PDE4B: variants seen among roughly 807,000 people sequenced by gnomAD.
PDE4B encodes phosphodiesterase 4B, also known as 3',5'-cyclic-AMP phosphodiesterase 4B.
PDE4B carries 20 observed loss-of-function variants against 82.2 expected under a neutral mutation model. That is an observed-to-expected ratio of 0.24 (90% CI 0.17 to 0.35). The LOEUF (loss-of-function observed/expected upper bound fraction) is 0.35. Among genes scored for constraint, PDE4B ranks in the 10% least tolerant of loss-of-function variants. The pLI, the probability that PDE4B is intolerant of heterozygous loss-of-function variation, is 1.00. For synonymous variants in PDE4B, 320 were observed against 318.9 expected, an observed-to-expected ratio of 1.00 and a Z score of -0.04; for missense variants, 655 against 907.2, an observed-to-expected ratio of 0.72 and a Z score of 3.57.
At chr1:66,122,816 T>C (rs1329577630) in intron 3 of PDE4B, among the ~76,000 whole-genome samples, 2 of 151,048 alleles carry the variant, frequency 1.3e-5, no homozygotes, top group Non-Finnish European at 3.0e-5. Flanking sequence ...AGTGATTCTC[T>C]TGCCTCAGCC....
At chr1:66,341,364 T>C (rs567130389) in intron 8 of PDE4B, among the ~76,000 whole-genome samples, 1 of 152,332 alleles carries the variant, frequency 6.6e-6, no homozygotes, top group East Asian at 1.9e-4. Context: ...TGGGACATTC[T>C]CTCTTTTGTT....
At chr1:65,866,425 C>T (rs1215091542) in intron 1 of PDE4B, among the ~76,000 whole-genome samples, 3 of 151,990 alleles carry the variant, frequency 2.0e-5, no homozygotes, top group Non-Finnish European at 4.4e-5. Flanking sequence ...AGCAATTTCC[C>T]CAGAAACTTT....
intron 8 of PDE4B, among the ~76,000 whole-genome samples, chr1:66,334,240 C>T (rs535805815): frequency 1.2e-4 from 18 of 152,292 alleles, no homozygotes; most frequent in African/African-American, 4.3e-4. Flanking sequence ...TAACTAGAGT[C>T]ACCAAGATAA....
rs1158459707 is a variant in PDE4B at position 66,322,712 on chromosome 1, AAACCAGT to A, written c.635-9794_635-9788del. On this transcript the variant is annotated intron_variant, in intron 7 of 16. Coordinates refer to ENST00000341517, the MANE Select transcript of PDE4B (RefSeq NM_002600.4). ...AGGAACGCAAAAAATTCCTGTGTTGAAACCAGTAGGTTTCAACACAGGAATTTTGGGG... is the reference window on the plus strand; with the variant it reads ...AGGAACGCAAAAAATTCCTGTGTTGAAGGTTTCAACACAGGAATTTTGGGG... Among the ~76,000 whole-genome samples the A allele has an allele frequency of 4.0e-5, 6 of 151,676 alleles. No individual in the cohort carries two copies. In the East Asian group the frequency reaches 1.2e-3, roughly 29 times the overall value.
chr1:66,067,410 G>A (rs1464315128), intron 3 of PDE4B, among the ~76,000 whole-genome samples: 1 of 152,052 alleles, frequency 6.6e-6, no homozygotes, highest in Non-Finnish European at 1.5e-5. Context: ...ATCTCATTGT[G>A]GTTTTGATTT....
intron 3 of PDE4B, among the ~76,000 whole-genome samples, chr1:66,231,437 T>C (rs1038982737): frequency 1.3e-5 from 2 of 152,168 alleles, no homozygotes; most frequent in African/African-American, 4.8e-5. Context: ...AGGAAATCCA[T>C]GTTGAGAGAA....
chr1:65,976,655 C>T (rs10889591), intron 3 of PDE4B, among the ~76,000 whole-genome samples: 97,845 of 151,904 alleles, frequency 0.64, 31,639 homozygotes, highest in African/African-American at 0.68. Context: ...GCAGATTTCC[C>T]CTTGGTGTTC....
intron 3 of PDE4B, among the ~76,000 whole-genome samples, chr1:66,229,437 A>C (rs1011540550): frequency 6.6e-6 from 1 of 152,098 alleles, no homozygotes; most frequent in Non-Finnish European, 1.5e-5. Flanking sequence ...TGCCATCCAC[A>C]ATTTTGTTCG....
chr1:65,937,324 G>C (rs903188974), intron 3 of PDE4B, among the ~76,000 whole-genome samples: 3 of 152,174 alleles, frequency 2.0e-5, no homozygotes, highest in Non-Finnish European at 2.9e-5. Context: ...ATTGTGGAGG[G>C]GAAAGTGGTT....
chr1:66,132,291 T>TACA (rs1645965559), intron 3 of PDE4B, among the ~76,000 whole-genome samples: 2 of 152,240 alleles, frequency 1.3e-5, no homozygotes, highest in Non-Finnish European at 2.9e-5. Context: ...ATAAGCTTTG[T>TACA]AGTCTGATAG....
intron 3 of PDE4B, among the ~76,000 whole-genome samples, chr1:65,927,500 T>C (rs1050342454): frequency 1.4e-5 from 2 of 147,652 alleles, no homozygotes; most frequent in African/African-American, 4.9e-5. Context: ...ATGTATTATA[T>C]ATATAATATA....
At chr1:66,044,520 C>G (rs1017024278) in intron 3 of PDE4B, among the ~76,000 whole-genome samples, 5 of 151,644 alleles carry the variant, frequency 3.3e-5, no homozygotes, top group Non-Finnish European at 5.9e-5. Flanking sequence ...GCAGAGGGAT[C>G]ACAAGCGATA....
rs568887644 is a variant in PDE4B, at chr1:65,822,286, G to A, written c.-71+29038G>A. Among the ~76,000 whole-genome samples, 13 of 152,064 alleles carry A rather than the reference G, an allele frequency of 8.5e-5. No individual in the cohort carries two copies. In the East Asian group the frequency reaches 1.2e-3, roughly 14 times the overall value. On this transcript the variant is annotated intron_variant, in intron 1 of 16. Transcript: ENST00000341517. The stretch of plus-strand genomic sequence containing the variant: ...GCTCAATTAATTAATCTTCTCTCCC[G>A]TGAATGGATATTAAGATTGTTTTCG...
At chr1:66,301,955 A>G (rs541189495) in intron 7 of PDE4B, among the ~76,000 whole-genome samples, 1 of 152,310 alleles carries the variant, frequency 6.6e-6, no homozygotes, top group Admixed American at 6.5e-5. Flanking sequence ...CTGCTCAGCC[A>G]ACTTATTGAC....
rs897216021 is a variant in PDE4B, at chr1:66,182,899, G to C, written c.282-64561G>C. On this transcript the variant is annotated intron_variant, in intron 3 of 16. Coordinates refer to ENST00000341517, the MANE Select transcript of PDE4B (RefSeq NM_002600.4). ...TTAAAAAGAGAAAAAAATATCATCA[G>C]CTATCCAGAAATGTGGGAAAGCCTC... Among the ~76,000 whole-genome samples the C allele has an allele frequency of 2.0e-5, 3 of 152,324 alleles. No individual in the cohort carries two copies. The South Asian group carries it at 6.2e-4, about 32-fold the overall frequency.
chr1:66,174,938 T>C (rs1398483489), intron 3 of PDE4B, among the ~76,000 whole-genome samples: 1 of 152,106 alleles, frequency 6.6e-6, no homozygotes, highest in African/African-American at 2.4e-5. Context: ...GCGTCTTACA[T>C]GATGGCAGGA....
At chr1:66,293,370 GA>G (rs1329486114) in intron 7 of PDE4B, among the ~76,000 whole-genome samples, 15 of 151,450 alleles carry the variant, frequency 9.9e-5, no homozygotes, top group African/African-American at 3.4e-4. Context: ...ATTGTAGCTC[GA>G]TGACTTATTT....
intron 3 of PDE4B, among the ~76,000 whole-genome samples, chr1:66,074,739 G>T (rs1156523396): frequency 6.6e-6 from 1 of 151,968 alleles, no homozygotes; most frequent in African/African-American, 2.4e-5. Flanking sequence ...TATAATATGT[G>T]GCCTTTGTGT....
chr1:66,243,369 A>G (rs1329641801), intron 3 of PDE4B, among the ~76,000 whole-genome samples: 1 of 152,228 alleles, frequency 6.6e-6, no homozygotes, highest in African/African-American at 2.4e-5. Flanking sequence ...ACTGTTTACA[A>G]GGCTCTGACC....
Sources: allele counts gnomAD v4.1 joint callset (sites outside exome capture counted in the v4.1 genomes callset), GRCh38; gene constraint gnomAD v4.1.1; transcripts MANE v1.5; gene names NCBI Gene and HGNC (gene_info 2026-07-23, HGNC 2026-07-21).